PLCD4: variants seen among roughly 807,000 people sequenced by gnomAD.
PLCD4 encodes 1-phosphatidylinositol 4,5-bisphosphate phosphodiesterase delta-4.
Under a neutral mutation model 90.2 loss-of-function variants are expected in PLCD4, and 63 were observed. The observed-to-expected ratio is 0.70, with a 90% CI of 0.57 to 0.86. PLCD4 has a LOEUF of 0.86. Among genes scored for constraint, PLCD4 ranks in the 40% least tolerant of loss-of-function variants. The probability of loss-of-function intolerance (pLI) is 0.00; values close to 1 mark genes in which losing one functional copy is unlikely to be tolerated. For synonymous variants in PLCD4, 294 were observed against 356.5 expected, an observed-to-expected ratio of 0.82 and a Z score of 1.97; for missense variants, 830 against 956.3, an observed-to-expected ratio of 0.87 and a Z score of 1.74.
rs772013540 is a variant in PLCD4, at chr2:218,622,729, T to C, written c.623T>C (p.Val208Ala). ...AAGGCATTGACTAAACGTGCTGAGG[T>C]GCAGGAACTGTTTGAAAGTTTTTCA... ...FYKALTKRAE[V>A]QELFESFSAD... Residue 208 changes from valine to alanine, a missense_variant, in exon 6 of 16, where the codon GTG becomes GCG. Val to Ala is a moderately conservative substitution (Grantham distance 64). Transcript: ENST00000450993. 3 of 1,613,978 alleles carry C rather than the reference T, an allele frequency of 1.9e-6. No homozygotes were observed. The South Asian group carries it at 3.3e-5, about 18-fold the overall frequency.
At chr2:218,611,017 C>T (rs913375491) in intron 1 of PLCD4, among the ~76,000 whole-genome samples, 3 of 152,114 alleles carry the variant, frequency 2.0e-5, no homozygotes, top group South Asian at 2.1e-4. Context: ...TGTGAGCTAC[C>T]GTGCCCGGCC....
intron 4 of PLCD4, 128 bp from the exon 5 acceptor site, chr2:218,621,342 A>G (rs1364611864): frequency 8.3e-6 from 9 of 1,086,152 alleles, no homozygotes; most frequent in Non-Finnish European, 1.1e-5. Flanking sequence ...AGCTGTGTGG[A>G]GAATGGATTG....
chr2:218,620,519 T>C (rs959586625), intron 4 of PLCD4, among the ~76,000 whole-genome samples: 2 of 150,976 alleles, frequency 1.3e-5, no homozygotes. Context: ...TTTTTTTTCT[T>C]TAATTATAAA....
Position 218,634,373 on chromosome 2 carries a change from A to G in PLCD4, c.1724-85A>G, listed in dbSNP as rs1486899739. On this transcript the variant is annotated intron_variant, in intron 12 of 15. Transcript: ENST00000450993. This position sits in a 1 kb window ranked among gnomAD's most constrained non-coding sequence, Gnocchi z 4.0. The stretch of plus-strand genomic sequence containing the variant: ...TATTACCAGCAGGTACCGTGCACCC[A>G]GTACCTATCTTCTTAACTCCCTGAA... 2 of 1,560,210 alleles carry G rather than the reference A, an allele frequency of 1.3e-6. No individual in the cohort carries two copies. The highest frequency in any genetic ancestry group is 1.7e-6 in the Non-Finnish European group (2 of 1,145,564).
Position 218,628,138 on chromosome 2 carries a change from A to G in PLCD4, c.882A>G (p.Gln294=), listed in dbSNP as rs546479363. The G allele has an allele frequency of 1.4e-5, 22 of 1,613,894 alleles. No homozygotes were observed. In the East Asian group the frequency reaches 4.7e-4, roughly 34 times the overall value. The change falls in exon 7 of 16, where the codon CAA becomes CAG. Residue 294 remains glutamine (Q), a synonymous_variant. Coordinates refer to ENST00000450993, the MANE Select transcript of PLCD4 (RefSeq NM_032726.4). The part of the protein sequence containing the change: ...ACLPIYQDMT[Q]PLNHYFICSS... ...TCCCCATCTATCAGGATATGACTCA[A>G]CCCCTGAACCACTACTTCATCTGCT...
At chr2:218,623,490 A>T (rs376368096) in intron 6 of PLCD4, among the ~76,000 whole-genome samples, 2 of 152,080 alleles carry the variant, frequency 1.3e-5, no homozygotes, top group Admixed American at 1.3e-4. Flanking sequence ...TCTTCAGTAG[A>T]CTCATTTCCT....
intron 4 of PLCD4, 99 bp downstream of exon 4, chr2:218,618,906 C>G (rs923175703): frequency 1.5e-5 from 18 of 1,165,378 alleles, no homozygotes; most frequent in Non-Finnish European, 2.2e-5. Flanking sequence ...GGGTGCAGGG[C>G]TAGGGAGGCC....
In PLCD4 at chr2:218,629,543, C is replaced by T. The variant is rs371351467; in HGVS notation, c.999C>T (p.Cys333=). The stretch of plus-strand genomic sequence containing the variant: ...GGGCCCTGAAGCGGGGGTGCCGCTG[C>T]GTGGAGGTGGATGTATGGGATGGAC... The part of the protein sequence containing the change: ...YIRALKRGCR[C]VEVDVWDGPS... Residue 333 remains cysteine (C), a synonymous_variant, in exon 8 of 16, where the codon TGC becomes TGT. Transcript: ENST00000450993. The T allele has an allele frequency of 2.5e-5, 40 of 1,613,224 alleles. No homozygotes were observed. Among genetic ancestry groups the T allele is most frequent in the Middle Eastern group, 1.6e-4 (1 of 6,084 alleles).
chr2:218,628,035 T>C lies in PLCD4; in HGVS notation c.779T>C (p.Leu260Pro). The C allele has an allele frequency of 6.2e-7, 1 of 1,613,084 alleles. No homozygotes were observed. Among genetic ancestry groups the C allele is most frequent in the Non-Finnish European group, 8.5e-7 (1 of 1,179,372 alleles). ...TCCCCTGTCCACACTCCAGGCAAAC[T>C]GCGGCATGTGCTGAGTATGGATGGC... Reference protein sequence around the residue: ...DRYEPSDSGKLRHVLSMDGFL... With the variant: ...DRYEPSDSGKPRHVLSMDGFL... The change falls in exon 7 of 16, where the codon CTG (leucine) becomes CCG (proline). Residue 260 changes from leucine (L) to proline (P), a missense_variant. Coordinates refer to ENST00000450993, the MANE Select transcript of PLCD4 (RefSeq NM_032726.4).
chr2:218,628,050 G>T lies in PLCD4; in HGVS notation c.794G>T (p.Ser265Ile). ...SDSGKLRHVLSMDGFLSYLCS... is the reference protein window; with the variant it reads ...SDSGKLRHVLIMDGFLSYLCS... ...CCAGGCAAACTGCGGCATGTGCTGA[G>T]TATGGATGGCTTCCTCAGCTACCTC... The change falls in exon 7 of 16, where the codon AGT becomes ATT. Residue 265 changes from serine to isoleucine, a missense_variant. Transcript: ENST00000450993. The T allele has an allele frequency of 1.9e-6, 3 of 1,613,884 alleles. No individual in the cohort carries two copies. The highest frequency in any genetic ancestry group is 2.5e-6 in the Non-Finnish European group (3 of 1,179,832).
At position 218,624,735 on chromosome 2, in the gene PLCD4, G is replaced by A. The variant is rs1031662391; in HGVS notation, c.772+1857G>A. On this transcript the variant is annotated intron_variant, in intron 6 of 15. Transcript: ENST00000450993. ...ACTCTGTCTCAAAAAAAAAAAAAAA[G>A]AAAAGAAAAGAAAAAAAAGAATGGA... 7.6e-3 allele frequency among the ~76,000 whole-genome samples: 1,084 copies of A among 142,098 alleles called. 10 individuals carry two copies. Among genetic ancestry groups the A allele is most frequent in the Non-Finnish European group, 0.013 (856 of 64,458 alleles). 93.2% of individuals were successfully genotyped at this position (142,098 alleles called of 152,430 possible).
intron 6 of PLCD4, among the ~76,000 whole-genome samples, chr2:218,625,294 T>A (rs1323767563): frequency 6.6e-6 from 1 of 150,942 alleles, no homozygotes; most frequent in Non-Finnish European, 1.5e-5. Flanking sequence ...TCCAAGACTC[T>A]GTTTCAAACA....
chr2:218,628,168 T>C lies in PLCD4; in HGVS notation c.912T>C (p.Ser304=). The C allele has an allele frequency of 6.2e-7, 1 of 1,614,022 alleles. No homozygotes were observed. Among genetic ancestry groups the C allele is most frequent in the Non-Finnish European group, 8.5e-7 (1 of 1,179,898 alleles). Residue 304 remains serine (S), a synonymous_variant, in exon 7 of 16, where the codon TCT becomes TCC. Transcript: ENST00000450993. ...QPLNHYFICS[S]HNTYLVGDQL... ...TGAACCACTACTTCATCTGCTCTTC[T>C]CATAACACCTACCTAGTGGGGGACC... is the stretch of plus-strand genomic sequence containing the variant.
chr2:218,618,058 G>A (rs1392341268), intron 3 of PLCD4, among the ~76,000 whole-genome samples: 1 of 152,090 alleles, frequency 6.6e-6, no homozygotes, highest in East Asian at 1.9e-4. Context: ...CTGCACTCCA[G>A]CCTGGGCAAC....
intron 1 of PLCD4, among the ~76,000 whole-genome samples, chr2:218,611,472 A>G (rs1472386639): frequency 6.6e-6 from 1 of 152,120 alleles, no homozygotes; most frequent in Non-Finnish European, 1.5e-5. Flanking sequence ...AGTTCACCAC[A>G]TCCTAGAGTC....
In PLCD4 at chr2:218,633,743, C is replaced by T. The variant is rs1272826679; in HGVS notation, c.1588C>T (p.Arg530Cys). The T allele has an allele frequency of 9.3e-6, 15 of 1,613,728 alleles. No individual in the cohort carries two copies. Among genetic ancestry groups the T allele is most frequent in the Middle Eastern group, 1.6e-4 (1 of 6,082 alleles). The change falls in exon 11 of 16, where the codon CGC becomes TGC. Residue 530 changes from arginine (R) to cysteine (C), a missense_variant. By Grantham distance (180) the Arg-to-Cys change is radical (BLOSUM62 -3). Coordinates refer to ENST00000450993, the MANE Select transcript of PLCD4 (RefSeq NM_032726.4). ...ATCTTTCTCTGAAACCAAGGCCAAG[C>T]GCCTCATCAAGGAGGCTGGTCAGGA... ...ISSFSETKAK[R>C]LIKEAGNEFV...
intron 10 of PLCD4, among the ~76,000 whole-genome samples, chr2:218,632,641 T>C (rs555383913): frequency 6.6e-6 from 1 of 152,178 alleles, no homozygotes; most frequent in African/African-American, 2.4e-5. Flanking sequence ...TGAGACATTT[T>C]TGTACTTCTT....
In PLCD4 at chr2:218,628,207, G is replaced by C. The variant is rs781599575; in HGVS notation, c.951G>C (p.Gln317His). The change falls in exon 7 of 16, where the codon CAG (glutamine) becomes CAC (histidine). Residue 317 changes from glutamine to histidine, a missense_variant. By Grantham distance (24) the Gln-to-His change is conservative. Coordinates refer to ENST00000450993, the MANE Select transcript of PLCD4 (RefSeq NM_032726.4). The stretch of plus-strand genomic sequence containing the variant: ...TAGTGGGGGACCAGCTTTGTGGCCA[G>C]AGCAGCGTCGAGGGATATATACGGT... ...TYLVGDQLCG[Q>H]SSVEGYIRAL... 1 of 1,613,992 alleles carries C rather than the reference G, an allele frequency of 6.2e-7. No homozygotes were observed. The highest frequency in any genetic ancestry group is 8.5e-7 in the Non-Finnish European group (1 of 1,179,866).
At chr2:218,625,145 GA>G (rs1696061906) in intron 6 of PLCD4, among the ~76,000 whole-genome samples, 1 of 118,666 alleles carries the variant, frequency 8.4e-6, no homozygotes, top group Non-Finnish European at 1.7e-5. Context: ...AAGAAAGAAA[GA>G]AAAAAGAAAT....
Sources: gnomAD v4.1 joint callset for allele counts (sites outside exome capture counted in the v4.1 genomes callset) on GRCh38, gnomAD v4.1.1 for gene constraint, Gnocchi (gnomAD v3.1) non-coding constraint, MANE v1.5 for transcripts, NCBI Gene and HGNC (gene_info 2026-07-23, HGNC 2026-07-21) for gene names.